The following ZNF609 variants were observed in gnomAD, a reference collection of about 807,000 sequenced individuals.
ZNF609 encodes the protein zinc finger protein 609.
ZNF609 carries 11 observed loss-of-function variants against 109.5 expected under a neutral mutation model. The ratio of observed to expected loss-of-function variants is 0.10; its 90% CI spans 0.06 to 0.17. The LOEUF (loss-of-function observed/expected upper bound fraction) is 0.17, where lower values mean the gene tolerates loss of function less well. Ranked by LOEUF, ZNF609 falls within the 10% of genes least tolerant of loss-of-function variation. ZNF609 has a pLI of 1.00. For synonymous variants in ZNF609, 646 were observed against 662.0 expected (o/e 0.98, Z 0.37); for missense variants, 1,559 against 1,772.4 (o/e 0.88, Z 2.16).
At chr15:64,667,840 A>G (rs1476789604) in intron 3 of ZNF609, among the ~76,000 whole-genome samples, 3 of 152,222 alleles carry the variant, frequency 2.0e-5, no homozygotes, top group Non-Finnish European at 4.4e-5. Context: ...AGGAGTAAAT[A>G]GATACTAAAA....
At chr15:64,564,734 C>T (rs1424472469) in intron 2 of ZNF609, among the ~76,000 whole-genome samples, 1 of 151,826 alleles carries the variant, frequency 6.6e-6, no homozygotes, top group Non-Finnish European at 1.5e-5. Flanking sequence ...TTTATTAAAC[C>T]AGATACGTAT....
chr15:64,648,262 G>A (rs796189434), intron 3 of ZNF609, among the ~76,000 whole-genome samples: 2 of 152,282 alleles, frequency 1.3e-5, no homozygotes, highest in Admixed American at 6.5e-5. Flanking sequence ...CAGACAGGAG[G>A]ATCGCTTGAG....
chr15:64,601,751 T>C (rs1895501392), intron 2 of ZNF609, among the ~76,000 whole-genome samples: 1 of 152,182 alleles, frequency 6.6e-6, no homozygotes, highest in African/African-American at 2.4e-5. Context: ...ATTTTCAAAA[T>C]TGCAGACCAT....
In ZNF609 at chr15:64,674,539, C is replaced by T; in HGVS notation, c.1685C>T (p.Ala562Val). The change falls in exon 5 of 10, where the codon GCC becomes GTC. Residue 562 changes from alanine to valine, a missense_variant. Coordinates refer to ENST00000326648, the MANE Select transcript of ZNF609 (RefSeq NM_015042.2). ...TCACAAAAAGGTTCCTTGTCCCCTGCCCGCTCAGCTACCCCCAAAGTTCGA... is the reference window on the plus strand; with the variant it reads ...TCACAAAAAGGTTCCTTGTCCCCTGTCCGCTCAGCTACCCCCAAAGTTCGA... The part of the protein sequence containing the change: ...SVSQKGSLSP[A>V]RSATPKVRLV... 1 of 1,614,132 alleles carries T rather than the reference C, an allele frequency of 6.2e-7. No homozygotes were observed. Among genetic ancestry groups the T allele is most frequent in the Non-Finnish European group, 8.5e-7 (1 of 1,180,014 alleles).
rs1896788007 is a variant in ZNF609 at position 64,675,002 on chromosome 15, A to C, written c.2148A>C (p.Thr716=). The change falls in exon 5 of 10, where the codon ACA becomes ACC. Residue 716 remains threonine (T), a synonymous_variant. Coordinates refer to ENST00000326648, the MANE Select transcript of ZNF609 (RefSeq NM_015042.2). ...PKPTVMGEPF[T]VNPALTPAKD... ...CCACTGTTATGGGAGAACCTTTCAC[A>C]GTCAACCCTGCCTTGACTCCAGCCA... 2.5e-6 allele frequency: 4 copies of C among 1,614,100 alleles called. No individual in the cohort carries two copies. The African/African-American group carries it at 5.3e-5, about 22-fold the overall frequency.
At chr15:64,605,039 G>A (rs1383720197) in intron 2 of ZNF609, among the ~76,000 whole-genome samples, 1 of 152,016 alleles carries the variant, frequency 6.6e-6, no homozygotes, top group Non-Finnish European at 1.5e-5. Context: ...CACTGTGTTA[G>A]CCAGGATGGT....
At chr15:64,670,324 T>G in intron 3 of ZNF609, 22 bp from the exon 4 acceptor site, 2 of 1,601,024 alleles carry the variant, frequency 1.2e-6, no homozygotes, top group Non-Finnish European at 1.7e-6. Context: ...CTTGTCTATA[T>G]CTATGTGCTC....
At chr15:64,576,221 A>G (rs1044743549) in intron 2 of ZNF609, among the ~76,000 whole-genome samples, 2 of 152,186 alleles carry the variant, frequency 1.3e-5, no homozygotes, top group Admixed American at 1.3e-4. Context: ...GGTCAAATTT[A>G]TCTACTTAGT....
chr15:64,580,603 T>C, intron 2 of ZNF609, among the ~76,000 whole-genome samples: 1 of 150,596 alleles, frequency 6.6e-6, no homozygotes. Context: ...TAGGCTGGAG[T>C]GTAGTGGTGC....
At chr15:64,498,437 A>G (rs1893513808) in intron 1 of ZNF609, among the ~76,000 whole-genome samples, 1 of 152,170 alleles carries the variant, frequency 6.6e-6, no homozygotes, top group Non-Finnish European at 1.5e-5. Context: ...GTGTTTGTCA[A>G]TACAGTGCCA....
intron 1 of ZNF609, among the ~76,000 whole-genome samples, chr15:64,494,330 A>G (rs1252625508): frequency 6.6e-6 from 1 of 152,190 alleles, no homozygotes; most frequent in Non-Finnish European, 1.5e-5. Flanking sequence ...TTTGCTTCAC[A>G]GGTGATTATG....
chr15:64,624,449 C>G (rs1009873504), intron 3 of ZNF609, among the ~76,000 whole-genome samples: 1 of 152,098 alleles, frequency 6.6e-6, no homozygotes, highest in Admixed American at 6.6e-5. Context: ...TTCAAGGCCT[C>G]TTACCTCAGT....
chr15:64,644,078 T>C (rs982877929), intron 3 of ZNF609, among the ~76,000 whole-genome samples: 1 of 152,074 alleles, frequency 6.6e-6, no homozygotes, highest in African/African-American at 2.4e-5. Context: ...TACTCTAACC[T>C]GGGCAACAGA....
chr15:64,478,968 G>A (rs566172447), intron 1 of ZNF609, among the ~76,000 whole-genome samples: 7 of 152,238 alleles, frequency 4.6e-5, no homozygotes, highest in Admixed American at 4.6e-4. Flanking sequence ...TGACCAAACT[G>A]TATTGCTTTT....
Position 64,669,994 on chromosome 15 carries a change from G to A in ZNF609, c.974-352G>A, listed in dbSNP as rs1197956920. Among the ~76,000 whole-genome samples, 4 of 152,130 alleles carry A rather than the reference G, an allele frequency of 2.6e-5. No individual in the cohort carries two copies. The East Asian group carries it at 7.7e-4, about 29-fold the overall frequency. On this transcript the variant is annotated intron_variant, in intron 3 of 9. Transcript: ENST00000326648. ...AAAAAAAATTTTTTTAATTATCCAG[G>A]TGTGGTGACATGCTCTTGTGATCCC...
chr15:64,563,627 T>C (rs748002774), intron 2 of ZNF609, among the ~76,000 whole-genome samples: 1 of 151,272 alleles, frequency 6.6e-6, no homozygotes, highest in Non-Finnish European at 1.5e-5. Flanking sequence ...AAAACAAAAT[T>C]TAGCCGGGCA....
chr15:64,571,175 AG>A, intron 2 of ZNF609, among the ~76,000 whole-genome samples: 1 of 152,308 alleles, frequency 6.6e-6, no homozygotes, highest in African/African-American at 2.4e-5. Context: ...TTTATCCAAG[AG>A]GGGAAAATAG....
intron 3 of ZNF609, among the ~76,000 whole-genome samples, chr15:64,625,805 C>T (rs1157824765): frequency 6.2e-5 from 9 of 144,618 alleles, no homozygotes; most frequent in Non-Finnish European, 8.9e-5. Context: ...AGGAGAATGG[C>T]GTGAACCCAG....
intron 2 of ZNF609, among the ~76,000 whole-genome samples, chr15:64,530,385 T>G (rs190116175): frequency 5.3e-5 from 8 of 152,318 alleles, no homozygotes; most frequent in Non-Finnish European, 7.3e-5. Flanking sequence ...CTTTTATCTG[T>G]AAAGTAACAC....
Sources: allele counts gnomAD v4.1 joint callset (sites outside exome capture counted in the v4.1 genomes callset), GRCh38; gene constraint gnomAD v4.1.1; transcripts MANE v1.5; gene names NCBI Gene and HGNC (gene_info 2026-07-23, HGNC 2026-07-21).